The following CACNA2D3 variants were observed in gnomAD, a reference collection of about 807,000 sequenced individuals.
The protein encoded by CACNA2D3 is calcium voltage-gated channel auxiliary subunit alpha2delta 3.
Under a neutral mutation model 160.6 loss-of-function variants are expected in CACNA2D3, and 60 were observed. That is an observed-to-expected ratio of 0.37 (90% CI 0.30 to 0.46). The LOEUF is 0.46. Ranked by LOEUF, CACNA2D3 falls within the 20% of genes least tolerant of loss-of-function variation. The pLI, the probability that CACNA2D3 is intolerant of heterozygous loss-of-function variation, is 1.00. For synonymous variants in CACNA2D3, 558 were observed against 492.9 expected, an observed-to-expected ratio of 1.13 and a Z score of -1.75; for missense variants, 1,205 against 1,365.0, an observed-to-expected ratio of 0.88 and a Z score of 1.85.
At chr3:54,431,506 G>A (rs1475894151) in intron 4 of CACNA2D3, among the ~76,000 whole-genome samples, 2 of 152,102 alleles carry the variant, frequency 1.3e-5, no homozygotes, top group African/African-American at 4.8e-5. Flanking sequence ...TGTGGCAGAG[G>A]TGGAAGAAAA....
At chr3:54,349,470 CA>C (rs1698514435) in intron 3 of CACNA2D3, among the ~76,000 whole-genome samples, 1 of 152,178 alleles carries the variant, frequency 6.6e-6, no homozygotes, top group South Asian at 2.1e-4. Context: ...ACCTCCTCAC[CA>C]CAGCCCTTAA....
intron 27 of CACNA2D3, among the ~76,000 whole-genome samples, chr3:54,965,917 C>T (rs1006598646): frequency 3.6e-4 from 54 of 152,070 alleles, no homozygotes; most frequent in African/African-American, 1.2e-3. Flanking sequence ...GAGGATGCAG[C>T]CTGCTGGAGG....
At chr3:54,198,478 G>A (rs1027186726) in intron 2 of CACNA2D3, among the ~76,000 whole-genome samples, 3 of 152,236 alleles carry the variant, frequency 2.0e-5, no homozygotes, top group African/African-American at 7.2e-5. Context: ...GTATTGATGG[G>A]CCAGCCGCTC....
At chr3:54,470,682 G>C (rs371484446) in intron 4 of CACNA2D3, among the ~76,000 whole-genome samples, 2 of 150,980 alleles carry the variant, frequency 1.3e-5, no homozygotes, top group East Asian at 2.0e-4. Context: ...TGTATTCAAA[G>C]GCACCCATAG....
chr3:54,870,969 T>C (rs1699510785), intron 17 of CACNA2D3, among the ~76,000 whole-genome samples: 1 of 151,924 alleles, frequency 6.6e-6, no homozygotes, highest in African/African-American at 2.4e-5. Flanking sequence ...TAGGGGGATA[T>C]GACTAGATTC....
At chr3:54,771,794 A>C (rs1310150687) in intron 13 of CACNA2D3, among the ~76,000 whole-genome samples, 1 of 152,084 alleles carries the variant, frequency 6.6e-6, no homozygotes, top group Admixed American at 6.6e-5. Flanking sequence ...ACACTCAAGG[A>C]GAGGGAATTT....
chr3:54,545,833 A>G (rs1319433344), intron 5 of CACNA2D3, among the ~76,000 whole-genome samples: 3 of 152,234 alleles, frequency 2.0e-5, no homozygotes, highest in African/African-American at 7.2e-5. Flanking sequence ...TGGTGACCTT[A>G]TCTTCTTCTT....
chr3:54,808,884 C>G (rs56160635), intron 13 of CACNA2D3, among the ~76,000 whole-genome samples: 1 of 152,108 alleles, frequency 6.6e-6, no homozygotes, highest in African/African-American at 2.4e-5. Flanking sequence ...ACTGTAACCT[C>G]TCATACGCTA....
chr3:54,423,687 C>G (rs892222111), intron 4 of CACNA2D3, among the ~76,000 whole-genome samples: 1 of 152,144 alleles, frequency 6.6e-6, no homozygotes, highest in Admixed American at 6.5e-5. Context: ...ATAAGCCTCT[C>G]TGGTTTTTCT....
intron 2 of CACNA2D3, among the ~76,000 whole-genome samples, chr3:54,281,755 A>G (rs186642865): frequency 6.6e-6 from 1 of 152,336 alleles, no homozygotes; most frequent in Non-Finnish European, 1.5e-5. Context: ...GTATTCATGC[A>G]GAATATTAGG....
chr3:54,994,248 C>G (rs1198961408), intron 31 of CACNA2D3, among the ~76,000 whole-genome samples: 1 of 152,120 alleles, frequency 6.6e-6, no homozygotes, highest in East Asian at 1.9e-4. Context: ...TACACTTCAG[C>G]GAGTGCCCTG....
At chr3:55,049,370 C>T (rs1704135818) in intron 35 of CACNA2D3, among the ~76,000 whole-genome samples, 2 of 139,782 alleles carry the variant, frequency 1.4e-5, no homozygotes, top group Non-Finnish European at 3.0e-5. Flanking sequence ...ACCCAGTAGT[C>T]ATTCAGGAGC....
At chr3:54,528,249 G>A (rs975037899) in intron 5 of CACNA2D3, among the ~76,000 whole-genome samples, 5 of 141,154 alleles carry the variant, frequency 3.5e-5, no homozygotes, top group South Asian at 2.4e-4. Context: ...GCAATATTGG[G>A]CACAGAATCA....
rs533955326 is a variant in CACNA2D3 at position 54,630,099 on chromosome 3, G to A, written c.1053+2223G>A. ...TTTCTTAGTGTAATCTTGTGCAGCT[G>A]TGCATGTCACACACCCGTGAGGTGG... is the stretch of plus-strand genomic sequence containing the variant. On this transcript the variant is annotated intron_variant, in intron 10 of 37. Coordinates refer to ENST00000474759, the MANE Select transcript of CACNA2D3 (RefSeq NM_018398.3). 2.4e-4 allele frequency among the ~76,000 whole-genome samples: 37 copies of A among 152,260 alleles called. No homozygotes were observed. The South Asian group carries it at 7.7e-3, about 32-fold the overall frequency.
intron 4 of CACNA2D3, 138 bp downstream of exon 4, chr3:54,386,912 T>C: frequency 1.3e-6 from 1 of 762,624 alleles, no homozygotes; most frequent in Non-Finnish European, 2.1e-6. Flanking sequence ...TTGGAATCTT[T>C]GACAGGATTC....
At chr3:54,218,795 A>G (rs144701742) in intron 2 of CACNA2D3, among the ~76,000 whole-genome samples, 16 of 152,236 alleles carry the variant, frequency 1.1e-4, no homozygotes, top group African/African-American at 3.9e-4. Flanking sequence ...TGCTTTTTCC[A>G]GCTTCTAGAG....
chr3:54,909,571 G>A (rs540928401), intron 27 of CACNA2D3, among the ~76,000 whole-genome samples: 2 of 152,104 alleles, frequency 1.3e-5, no homozygotes, highest in East Asian at 3.9e-4. Flanking sequence ...CAGCCCATGG[G>A]CTGTGCAGCT....
intron 17 of CACNA2D3, among the ~76,000 whole-genome samples, chr3:54,866,433 C>T (rs1223126051): frequency 2.6e-5 from 4 of 152,138 alleles, no homozygotes; most frequent in Admixed American, 6.5e-5. Flanking sequence ...AAACATCTGC[C>T]CCAGATAATC....
chr3:54,542,059 G>T (rs150917178), intron 5 of CACNA2D3, among the ~76,000 whole-genome samples: 2,416 of 151,088 alleles, frequency 0.016, 59 homozygotes, highest in African/African-American at 0.054. Flanking sequence ...AGTTTTTTTT[G>T]TTGTTGTTGT....
Sources: allele counts gnomAD v4.1 joint callset (sites outside exome capture counted in the v4.1 genomes callset), GRCh38; gene constraint gnomAD v4.1.1; transcripts MANE v1.5; gene names NCBI Gene and HGNC (gene_info 2026-07-23, HGNC 2026-07-21).